XKR6: variants seen among roughly 807,000 people sequenced by gnomAD.
The protein encoded by XKR6 is XK-related protein 6.
A neutral mutation model predicts 56.7 loss-of-function variants in XKR6; 22 were observed. The observed-to-expected ratio is 0.39, with a 90% CI of 0.28 to 0.55. The LOEUF (loss-of-function observed/expected upper bound fraction) is 0.55. Among genes scored for constraint, XKR6 ranks in the 20% least tolerant of loss-of-function variants. The probability of loss-of-function intolerance (pLI) is 0.66; values close to 1 mark genes in which losing one functional copy is unlikely to be tolerated. For synonymous variants in XKR6, 524 were observed against 387.8 expected (o/e 1.35, Z -4.13); for missense variants, 852 against 889.0 (o/e 0.96, Z 0.53).
chr8:11,061,817 G>A (rs1295058310), intron 1 of XKR6, among the ~76,000 whole-genome samples: 1 of 152,198 alleles, frequency 6.6e-6, no homozygotes, highest in Non-Finnish European at 1.5e-5. Flanking sequence ...GAGGCAGGAG[G>A]GCAGCCATCG....
chr8:10,943,850 C>T (rs1020590688), intron 1 of XKR6, among the ~76,000 whole-genome samples: 13 of 152,226 alleles, frequency 8.5e-5, no homozygotes, highest in African/African-American at 1.9e-4. Context: ...CACATCCCTA[C>T]GAATGAGATC....
chr8:11,183,702 C>T (rs1485282919), intron 1 of XKR6, among the ~76,000 whole-genome samples: 2 of 152,084 alleles, frequency 1.3e-5, no homozygotes, highest in East Asian at 3.8e-4. Flanking sequence ...TTAACCAATT[C>T]ATTTTTTATT....
chr8:11,153,068 T>G (rs1171819258), intron 1 of XKR6, among the ~76,000 whole-genome samples: 2 of 152,196 alleles, frequency 1.3e-5, no homozygotes, highest in Admixed American at 1.3e-4. Flanking sequence ...TAGAATACAA[T>G]TAGATTATTC....
intron 1 of XKR6, among the ~76,000 whole-genome samples, chr8:11,069,177 G>A (rs1195513161): frequency 1.3e-5 from 2 of 151,850 alleles, no homozygotes; most frequent in African/African-American, 4.8e-5. Flanking sequence ...GGGATAAAGA[G>A]TAGAGGCCCC....
chr8:11,154,149 A>G (rs141033270), intron 1 of XKR6, among the ~76,000 whole-genome samples: 1 of 152,072 alleles, frequency 6.6e-6, no homozygotes, highest in Non-Finnish European at 1.5e-5. Context: ...GCCACACTGG[A>G]TCTTAGGGTA....
intron 1 of XKR6, chr8:11,123,688 T>C (rs150906122): frequency 2.8e-6 from 1 of 361,410 alleles, no homozygotes; most frequent in African/African-American, 2.1e-5. Flanking sequence ...TACTTGTCTA[T>C]ATTTCATATT....
intron 1 of XKR6, among the ~76,000 whole-genome samples, chr8:11,030,962 G>A (rs1003758975): frequency 4.6e-5 from 7 of 152,192 alleles, no homozygotes; most frequent in Admixed American, 6.5e-5. Context: ...TTAGAAAACT[G>A]AGGCTCTGAG....
intron 1 of XKR6, among the ~76,000 whole-genome samples, chr8:10,932,931 G>A (rs1332571984): frequency 6.8e-6 from 1 of 146,242 alleles, no homozygotes. Flanking sequence ...AGTCATTTGG[G>A]TATATACCCA....
intron 1 of XKR6, among the ~76,000 whole-genome samples, chr8:11,158,638 A>G (rs189080970): frequency 1.9e-3 from 288 of 152,332 alleles, no homozygotes; most frequent in African/African-American, 6.7e-3. Flanking sequence ...ATAGCAAAAA[A>G]ACAAAACAAA....
At chr8:11,051,554 A>T (rs1309911037) in intron 1 of XKR6, among the ~76,000 whole-genome samples, 1 of 152,230 alleles carries the variant, frequency 6.6e-6, no homozygotes, top group Non-Finnish European at 1.5e-5. Context: ...AGCCAAAAAA[A>T]TAAGGCAAAT....
In XKR6 at chr8:11,201,117, G is replaced by C. The variant is rs779756605; in HGVS notation, c.223C>G (p.Arg75Gly). The change falls in exon 1 of 3, where the codon CGC becomes GGC. Residue 75 changes from arginine (R) to glycine (G), a missense_variant. Arg to Gly is a moderately radical substitution (Grantham distance 125). This residue lies in a region of XKR6 where 417 missense variants were observed against 355.2 expected (regional missense o/e 1.17). Transcript: ENST00000416569. ...CYWGCRSACL[R>G]SLLGRKPRRS... Reference sequence around the variant, plus strand: ...CGCGGCTTCCTGCCCAGGAGGGAGCGCAGGCAGGCGGAGCGGCAGCCCCAG... The same window carrying C: ...CGCGGCTTCCTGCCCAGGAGGGAGCCCAGGCAGGCGGAGCGGCAGCCCCAG... 12 of 1,507,804 alleles carry C rather than the reference G, an allele frequency of 8.0e-6. No homozygotes were observed. The South Asian group carries it at 1.5e-4, about 18-fold the overall frequency. 93.4% of individuals were successfully genotyped at this position (1,507,804 alleles called of 1,614,324 possible). A position where few individuals can be genotyped will look rare whatever the true frequency, so the allele number is the denominator to read the frequency against.
chr8:11,099,703 T>C (rs1435346036), intron 1 of XKR6, among the ~76,000 whole-genome samples: 1 of 152,212 alleles, frequency 6.6e-6, no homozygotes, highest in African/African-American at 2.4e-5. Context: ...TCACGCATTG[T>C]TCTAGGTCTT....
At chr8:11,155,687 G>C (rs987250706) in intron 1 of XKR6, among the ~76,000 whole-genome samples, 2 of 152,164 alleles carry the variant, frequency 1.3e-5, no homozygotes, top group Non-Finnish European at 2.9e-5. Flanking sequence ...ATCACTTGCA[G>C]AGACACTGGC....
At chr8:10,902,036 G>A (rs1045466815) in intron 2 of XKR6, among the ~76,000 whole-genome samples, 10 of 152,186 alleles carry the variant, frequency 6.6e-5, no homozygotes, top group East Asian at 1.9e-4. Context: ...TTTTGAAGGC[G>A]GGTGTTCTGT....
chr8:10,920,270 C>A (rs1245163785), intron 2 of XKR6, among the ~76,000 whole-genome samples: 1 of 152,092 alleles, frequency 6.6e-6, no homozygotes, highest in South Asian at 2.1e-4. Context: ...AATAAAAGAA[C>A]CACTACAACC....
chr8:11,200,096 T>C lies in XKR6; in HGVS notation c.764+480A>G, dbSNP rs547777049. Among the ~76,000 whole-genome samples the C allele has an allele frequency of 6.6e-5, 10 of 150,720 alleles. No homozygotes were observed. The highest frequency in any genetic ancestry group is 2.2e-4 in the African/African-American group (9 of 40,980). ...GAGTGCTCGGAGGCGGCAGCAAGGG[T>C]TTTTCCACAGGGCCCCACGCAGGCC... On this transcript the variant is annotated intron_variant, in intron 1 of 2. Coordinates refer to ENST00000416569, the MANE Select transcript of XKR6 (RefSeq NM_173683.4). The surrounding 1 kb of genome is among the most constrained non-coding windows in gnomAD (Gnocchi z 6.4).
chr8:11,080,267 G>A (rs911502405), intron 1 of XKR6, among the ~76,000 whole-genome samples: 3 of 151,814 alleles, frequency 2.0e-5, no homozygotes, highest in South Asian at 2.1e-4. Context: ...TCAAGCAAAC[G>A]AACACAGAGA....
At position 11,107,465 on chromosome 8, in the gene XKR6, G is replaced by A. The variant is rs550166006; in HGVS notation, c.764+93111C>T. Among the ~76,000 whole-genome samples the A allele has an allele frequency of 2.6e-5, 4 of 152,194 alleles. No individual in the cohort carries two copies. The East Asian group carries it at 5.8e-4, about 22-fold the overall frequency. The stretch of plus-strand genomic sequence containing the variant: ...CTCCCAGAGTGCTAGGATTTTAGGC[G>A]TGAGCCACCACACCCAGCCCTGATC... On this transcript the variant is annotated intron_variant, in intron 1 of 2. Transcript: ENST00000416569.
chr8:11,192,513 G>T (rs2117134218), intron 1 of XKR6, among the ~76,000 whole-genome samples: 1 of 151,978 alleles, frequency 6.6e-6, no homozygotes, highest in African/African-American at 2.4e-5. Flanking sequence ...TACTCAGGAG[G>T]CATAGGCAAG....
Sources: allele counts gnomAD v4.1 joint callset (sites outside exome capture counted in the v4.1 genomes callset), GRCh38; gene constraint gnomAD v4.1.1; regional missense constraint gnomAD v4.1.1; non-coding constraint Gnocchi (gnomAD v3.1); transcripts MANE v1.5; gene names NCBI Gene and HGNC (gene_info 2026-07-23, HGNC 2026-07-21).